The following ARAP2 variants were observed in gnomAD, a reference collection of about 807,000 sequenced individuals.
ARAP2 encodes the protein ArfGAP with RhoGAP domain, ankyrin repeat and PH domain 2.
In ARAP2, 148 loss-of-function variants were observed where a neutral mutation model predicts 194.5. The observed-to-expected ratio is 0.76, with a 90% CI of 0.67 to 0.87. The LOEUF (loss-of-function observed/expected upper bound fraction) is 0.87. ARAP2 is among the 40% of genes least tolerant of loss of function. The probability of loss-of-function intolerance (pLI) is 0.00; values close to 1 mark genes in which losing one functional copy is unlikely to be tolerated. For synonymous variants in ARAP2, 695 were observed against 683.5 expected (o/e 1.02, Z -0.26); for missense variants, 2,128 against 1,989.7 (o/e 1.07, Z -1.32).
chr4:36,048,918 G>A (rs1188282026), intron 3 of ARAP2, among the ~76,000 whole-genome samples: 3 of 152,028 alleles, frequency 2.0e-5, no homozygotes, highest in Non-Finnish European at 4.4e-5. Flanking sequence ...AATTCTGACT[G>A]GTGTAAGATG....
At position 36,147,525 on chromosome 4, in the gene ARAP2, T is replaced by C. The variant is rs764765901; in HGVS notation, c.3199+23A>G. The C allele has an allele frequency of 4.4e-6, 7 of 1,596,012 alleles. No individual in the cohort carries two copies. In the East Asian group the frequency reaches 8.9e-5, roughly 20 times the overall value. On this transcript the variant is annotated intron_variant, in intron 18 of 32. Coordinates refer to ENST00000303965, the MANE Select transcript of ARAP2 (RefSeq NM_015230.4). ...GCAATAAAGAAAAGTGTTCCAAAGA[T>C]AAGGGAAGAAAAAAGCTCTTACTTA...
At chr4:36,238,897 A>G (rs1203179721) in intron 1 of ARAP2, among the ~76,000 whole-genome samples, 1 of 152,206 alleles carries the variant, frequency 6.6e-6, no homozygotes, top group East Asian at 1.9e-4. Context: ...TATGACCAAA[A>G]TAAGTATTCA....
intron 28 of ARAP2, among the ~76,000 whole-genome samples, chr4:36,086,516 T>C (rs1239632791): frequency 1.3e-5 from 2 of 152,220 alleles, no homozygotes; most frequent in East Asian, 1.9e-4. Context: ...GCTATATAGA[T>C]CTTAATGGAA....
chr4:36,149,790 A>C (rs1245973310), intron 16 of ARAP2, among the ~76,000 whole-genome samples: 1 of 152,216 alleles, frequency 6.6e-6, no homozygotes, highest in African/African-American at 2.4e-5. Context: ...AAATCAAATC[A>C]GATTTACTAT....
chr4:36,218,614 T>C (rs1460232671), intron 2 of ARAP2, among the ~76,000 whole-genome samples: 1 of 152,096 alleles, frequency 6.6e-6, no homozygotes, highest in Non-Finnish European at 1.5e-5. Context: ...ATTATAAACC[T>C]CAGTGTAATA....
At chr4:36,055,599 T>C (rs1309593463) in intron 2 of ARAP2, among the ~76,000 whole-genome samples, 2 of 152,182 alleles carry the variant, frequency 1.3e-5, no homozygotes, top group Admixed American at 1.3e-4. Flanking sequence ...AGTCTCACTC[T>C]GTCGCCCAGG....
At chr4:36,123,803 A>G (rs1388832738) in intron 22 of ARAP2, among the ~76,000 whole-genome samples, 2 of 151,810 alleles carry the variant, frequency 1.3e-5, no homozygotes, top group Admixed American at 6.6e-5. Context: ...CTGCCAGCCA[A>G]CTATAACTCT....
chr4:36,192,224 AATGG>A (rs1304204032), intron 7 of ARAP2, among the ~76,000 whole-genome samples: 11 of 146,680 alleles, frequency 7.5e-5, no homozygotes, highest in Admixed American at 1.4e-4. Flanking sequence ...CTAGACAATA[AATGG>A]ATGAAGTGTC....
chr4:36,178,815 A>T (rs955491213), intron 8 of ARAP2, among the ~76,000 whole-genome samples: 1 of 152,216 alleles, frequency 6.6e-6, no homozygotes, highest in Non-Finnish European at 1.5e-5. Flanking sequence ...AAGTGAGGAG[A>T]ATCAAATGTT....
intron 5 of ARAP2, among the ~76,000 whole-genome samples, chr4:36,028,825 A>C (rs577688650): frequency 6.6e-6 from 1 of 151,796 alleles, no homozygotes; most frequent in African/African-American, 2.4e-5. Context: ...ATTTTTATTT[A>C]CAAATTTTAT....
intron 6 of ARAP2, among the ~76,000 whole-genome samples, chr4:36,206,524 T>A (rs1049751920): frequency 3.3e-5 from 5 of 152,214 alleles, no homozygotes; most frequent in African/African-American, 1.2e-4. Context: ...AAAATGCCAG[T>A]TAAAATCTTA....
chr4:36,133,244 C>A lies in ARAP2; in HGVS notation c.3409G>T (p.Ala1137Ser). ...DVPIIVNSCI[A>S]FVTQYGLGCK... ...TACTTACCATACTGTGTAACAAATG[C>A]TATACAGCTGTTCACTATAATGGGA... is the stretch of plus-strand genomic sequence containing the variant. The change falls in exon 20 of 33, where the codon GCA (alanine) becomes TCA (serine). Residue 1137 changes from alanine to serine, a missense_variant. Transcript: ENST00000303965. 6.2e-7 allele frequency: 1 copy of A among 1,610,694 alleles called. No individual in the cohort carries two copies. The highest frequency in any genetic ancestry group is 8.5e-7 in the Non-Finnish European group (1 of 1,177,924).
At chr4:36,207,419 A>G (rs1745796412) in intron 6 of ARAP2, among the ~76,000 whole-genome samples, 2 of 152,208 alleles carry the variant, frequency 1.3e-5, no homozygotes, top group South Asian at 4.1e-4. Context: ...TAGGGATGTT[A>G]TATTTAGGTC....
chr4:36,011,325 T>C (rs1324550880), intron 9 of ARAP2, among the ~76,000 whole-genome samples: 2 of 152,220 alleles, frequency 1.3e-5, no homozygotes, highest in South Asian at 2.1e-4. Context: ...TGATGAATTA[T>C]ACAAATGTTT....
chr4:36,153,748 T>A (rs1475773396), intron 15 of ARAP2, among the ~76,000 whole-genome samples: 2 of 152,164 alleles, frequency 1.3e-5, no homozygotes, highest in Non-Finnish European at 2.9e-5. Flanking sequence ...ACAACATACC[T>A]AAACTCATAG....
intron 5 of ARAP2, among the ~76,000 whole-genome samples, chr4:36,043,001 C>A (rs1848929): frequency 2.6e-5 from 4 of 152,096 alleles, no homozygotes; most frequent in Non-Finnish European, 5.9e-5. Context: ...CACTACCATG[C>A]CTGACTAATT....
At chr4:36,104,128 G>C (rs1238995105) in intron 27 of ARAP2, among the ~76,000 whole-genome samples, 1 of 151,796 alleles carries the variant, frequency 6.6e-6, no homozygotes, top group Non-Finnish European at 1.5e-5. Flanking sequence ...GCAACTCTAT[G>C]TTTTAACAAA....
chr4:36,082,707 A>G (rs1310750189), intron 29 of ARAP2, among the ~76,000 whole-genome samples: 1 of 152,162 alleles, frequency 6.6e-6, no homozygotes, highest in East Asian at 1.9e-4. Context: ...TCAGCAGCAA[A>G]ATCTCAGAAG....
intron 5 of ARAP2, among the ~76,000 whole-genome samples, chr4:36,019,981 CAG>C (rs1366455232): frequency 6.6e-6 from 1 of 152,140 alleles, no homozygotes; most frequent in African/African-American, 2.4e-5. Context: ...ATACCCATAA[CAG>C]AGTTGAATTT....
Sources: allele counts gnomAD v4.1 joint callset (sites outside exome capture counted in the v4.1 genomes callset), GRCh38; gene constraint gnomAD v4.1.1; transcripts MANE v1.5; gene names NCBI Gene and HGNC (gene_info 2026-07-23, HGNC 2026-07-21).